CDH13: variants seen among roughly 807,000 people sequenced by gnomAD.
CDH13 encodes the protein cadherin 13, also known as cadherin-13.
Under a neutral mutation model 63.8 loss-of-function variants are expected in CDH13, and 24 were observed. The ratio of observed to expected loss-of-function variants is 0.38; its 90% confidence interval spans 0.27 to 0.53. CDH13 has a LOEUF of 0.53. CDH13 is among the 20% of genes least tolerant of loss of function. CDH13 has a pLI of 0.85. For missense variants in CDH13, 1,049 were observed against 903.1 expected (o/e 1.16, Z -2.07); for synonymous variants, 503 against 355.3 (o/e 1.42, Z -4.67).
intron 6 of CDH13, among the ~76,000 whole-genome samples, chr16:83,424,156 A>C (rs1002867405): frequency 2.6e-5 from 4 of 151,858 alleles, no homozygotes; most frequent in African/African-American, 9.7e-5. Flanking sequence ...CATGGACTGA[A>C]AAGTCTAGAA....
chr16:82,648,654 T>G (rs1016274595), intron 1 of CDH13, among the ~76,000 whole-genome samples: 5 of 152,232 alleles, frequency 3.3e-5, no homozygotes, highest in Non-Finnish European at 7.3e-5. Context: ...TGCAATTTTG[T>G]TCATGCGTTG....
At chr16:83,316,969 A>G (rs2090119431) in intron 5 of CDH13, among the ~76,000 whole-genome samples, 2 of 152,158 alleles carry the variant, frequency 1.3e-5, no homozygotes, top group South Asian at 2.1e-4. Context: ...CTACCCATCT[A>G]TGAGAACATA....
intron 1 of CDH13, among the ~76,000 whole-genome samples, chr16:82,732,479 T>A (rs962453251): frequency 6.6e-6 from 1 of 152,204 alleles, no homozygotes; most frequent in Non-Finnish European, 1.5e-5. Flanking sequence ...TTATTGACTG[T>A]CTCTTTAAAG....
intron 10 of CDH13, chr16:83,721,547 A>G (rs1909691556): frequency 6.6e-6 from 1 of 152,192 alleles, no homozygotes; most frequent in Non-Finnish European, 1.5e-5. Flanking sequence ...TTGCTCTGGG[A>G]AGAGTTGCTG....
intron 1 of CDH13, among the ~76,000 whole-genome samples, chr16:82,654,704 C>T (rs1911102802): frequency 6.6e-6 from 1 of 151,432 alleles, no homozygotes; most frequent in African/African-American, 2.4e-5. Flanking sequence ...AAATGCTGTA[C>T]CATCAAAGGA....
Position 83,572,175 on chromosome 16 carries a change from GGT to G in CDH13, c.961-30245_961-30244del, listed in dbSNP as rs71148844. On this transcript the variant is annotated intron_variant, in intron 7 of 13. Coordinates refer to ENST00000567109, the MANE Select transcript of CDH13 (RefSeq NM_001257.5). ...GGTATTTTTTATTCCACTTTCCTGT[GGT>G]GTGTGTGTGTGTGTGTGTGTGTGTG... 7.4e-3 allele frequency among the ~76,000 whole-genome samples: 1,085 copies of G among 145,676 alleles called. 12 individuals are homozygous for G. The highest frequency in any genetic ancestry group is 0.022 in the African/African-American group (868 of 39,210).
At chr16:83,426,198 C>A (rs558759800) in intron 6 of CDH13, among the ~76,000 whole-genome samples, 55 of 152,272 alleles carry the variant, frequency 3.6e-4, no homozygotes, top group South Asian at 1.7e-3. Context: ...TCACTCCTCC[C>A]AGCCTCTGGG....
At chr16:83,468,230 C>T (rs566657531) in intron 6 of CDH13, among the ~76,000 whole-genome samples, 3 of 152,166 alleles carry the variant, frequency 2.0e-5, no homozygotes, top group Admixed American at 6.5e-5. Context: ...CAGGTGGGCC[C>T]TGAATGCCAT....
At chr16:82,691,087 G>C (rs1004973347) in intron 1 of CDH13, among the ~76,000 whole-genome samples, 9 of 152,174 alleles carry the variant, frequency 5.9e-5, no homozygotes, top group African/African-American at 1.4e-4. Flanking sequence ...TATTTATTGG[G>C]CATCTATGGT....
At chr16:83,086,289 G>A (rs1214417236) in intron 3 of CDH13, among the ~76,000 whole-genome samples, 1 of 152,208 alleles carries the variant, frequency 6.6e-6, no homozygotes, top group African/African-American at 2.4e-5. Context: ...ACAATGTAGA[G>A]CGTTAGTAGT....
intron 5 of CDH13, among the ~76,000 whole-genome samples, chr16:83,323,959 C>G (rs935643759): frequency 1.3e-5 from 2 of 152,162 alleles, no homozygotes; most frequent in African/African-American, 4.8e-5. Context: ...ACACAATTCA[C>G]CCATTGAAAG....
intron 6 of CDH13, among the ~76,000 whole-genome samples, chr16:83,432,011 G>C (rs1412158423): frequency 1.3e-5 from 2 of 152,188 alleles, no homozygotes; most frequent in East Asian, 1.9e-4. Context: ...TTGAGGGATA[G>C]ACTGGAGAAG....
intron 9 of CDH13, among the ~76,000 whole-genome samples, chr16:83,675,078 A>C (rs1029194372): frequency 2.0e-5 from 3 of 152,202 alleles, no homozygotes; most frequent in African/African-American, 7.2e-5. Context: ...GTCACTTGAA[A>C]AAATATTAAT....
At chr16:83,598,194 T>A (rs1471099495) in intron 7 of CDH13, among the ~76,000 whole-genome samples, 2 of 152,114 alleles carry the variant, frequency 1.3e-5, no homozygotes, top group Non-Finnish European at 2.9e-5. Context: ...GGAGAGACCC[T>A]GTCTCTACAA....
intron 7 of CDH13, among the ~76,000 whole-genome samples, chr16:83,532,423 G>A (rs999256096): frequency 6.6e-6 from 1 of 152,318 alleles, no homozygotes; most frequent in South Asian, 2.1e-4. Context: ...ACCAGTGCTT[G>A]GAACATGGGA....
At chr16:82,949,893 G>T (rs777131364) in intron 2 of CDH13, among the ~76,000 whole-genome samples, 5 of 152,044 alleles carry the variant, frequency 3.3e-5, no homozygotes, top group Non-Finnish European at 5.9e-5. Flanking sequence ...GACCAATTGG[G>T]TGCTTCATTT....
chr16:82,976,472 GC>G (rs1367943943), intron 2 of CDH13, among the ~76,000 whole-genome samples: 1 of 152,174 alleles, frequency 6.6e-6, no homozygotes, highest in Non-Finnish European at 1.5e-5. Context: ...CATCTTAGAT[GC>G]TTTTCCAGTT....
At chr16:83,490,171 C>T (rs1233409319) in intron 7 of CDH13, among the ~76,000 whole-genome samples, 1 of 152,156 alleles carries the variant, frequency 6.6e-6, no homozygotes, top group East Asian at 1.9e-4. Flanking sequence ...GACACAATAA[C>T]AATTTTTCAT....
At chr16:82,898,847 G>A (rs1008734908) in intron 2 of CDH13, among the ~76,000 whole-genome samples, 6 of 152,190 alleles carry the variant, frequency 3.9e-5, no homozygotes, top group African/African-American at 1.4e-4. Context: ...CTAGGAAACA[G>A]AGTCTGAGCT....
Sources: gnomAD v4.1 joint callset for allele counts (sites outside exome capture counted in the v4.1 genomes callset) on GRCh38, gnomAD v4.1.1 for gene constraint, MANE v1.5 for transcripts, NCBI Gene and HGNC (gene_info 2026-07-23, HGNC 2026-07-21) for gene names.